RAB23: variants seen among roughly 807,000 people sequenced by gnomAD.
The protein encoded by RAB23 is ras-related protein Rab-23.
Under a neutral mutation model 30.0 loss-of-function variants are expected in RAB23, and 15 were observed. That is an observed-to-expected ratio of 0.50 (90% confidence interval 0.33 to 0.77). The LOEUF (loss-of-function observed/expected upper bound fraction) is 0.77. RAB23 is among the 30% of genes least tolerant of loss of function. The probability of loss-of-function intolerance (pLI) is 0.02; values close to 1 mark genes in which losing one functional copy is unlikely to be tolerated. For synonymous variants in RAB23, 93 were observed against 94.0 expected (o/e 0.99, Z 0.06); for missense variants, 243 against 275.4 (o/e 0.88, Z 0.83).
chr6:57,192,183 T>C (rs1764865550), intron 6 of RAB23, among the ~76,000 whole-genome samples: 2 of 152,172 alleles, frequency 1.3e-5, no homozygotes, highest in Admixed American at 1.3e-4. Flanking sequence ...AGATACGTTT[T>C]TCCTACTTAT....
At chr6:57,207,128 C>T (rs1765481436) in intron 3 of RAB23, among the ~76,000 whole-genome samples, 1 of 152,146 alleles carries the variant, frequency 6.6e-6, no homozygotes, top group African/African-American at 2.4e-5. Context: ...TTTAATTTAG[C>T]CTTTTAAGAA....
At chr6:57,217,226 A>T (rs76669030) in intron 1 of RAB23, among the ~76,000 whole-genome samples, 3 of 152,146 alleles carry the variant, frequency 2.0e-5, no homozygotes, top group Admixed American at 2.0e-4. Context: ...AAAAAAAAAA[A>T]AACAAAATTA....
intron 1 of RAB23, among the ~76,000 whole-genome samples, chr6:57,212,875 C>T (rs1765705043): frequency 6.6e-6 from 1 of 151,968 alleles, no homozygotes; most frequent in Non-Finnish European, 1.5e-5. Context: ...CAGAGCGAGG[C>T]CCTGTCTAAA....
intron 3 of RAB23, among the ~76,000 whole-genome samples, chr6:57,203,001 T>TC (rs1765323998): frequency 1.6e-5 from 1 of 62,278 alleles, no homozygotes; most frequent in Non-Finnish European, 3.7e-5. Flanking sequence ...AGATAGGCTG[T>TC]TTTTTTTTTT....
intron 3 of RAB23, among the ~76,000 whole-genome samples, chr6:57,197,515 C>T (rs1765069629): frequency 6.6e-6 from 1 of 152,166 alleles, no homozygotes; most frequent in African/African-American, 2.4e-5. Flanking sequence ...CTTACCATTA[C>T]TCCTTCCTTA....
intron 1 of RAB23, among the ~76,000 whole-genome samples, chr6:57,216,465 A>C (rs1765839613): frequency 6.6e-6 from 1 of 152,240 alleles, no homozygotes; most frequent in Non-Finnish European, 1.5e-5. Flanking sequence ...CCTCCTTTCA[A>C]GTACCCAGAT....
chr6:57,215,036 T>TA (rs1307525524), intron 1 of RAB23, among the ~76,000 whole-genome samples: 4 of 152,110 alleles, frequency 2.6e-5, no homozygotes, highest in Non-Finnish European at 5.9e-5. Flanking sequence ...AACCATAATT[T>TA]AAAAAACTAA....
At chr6:57,199,290 T>C (rs1002534956) in intron 3 of RAB23, among the ~76,000 whole-genome samples, 1 of 152,150 alleles carries the variant, frequency 6.6e-6, no homozygotes, top group Non-Finnish European at 1.5e-5. Context: ...CTCCCTTTGG[T>C]GGGCTCCTGA....
At chr6:57,198,126 A>C (rs2127999176) in intron 3 of RAB23, among the ~76,000 whole-genome samples, 1 of 152,310 alleles carries the variant, frequency 6.6e-6, no homozygotes, top group Non-Finnish European at 1.5e-5. Context: ...AAATACAGAA[A>C]GAGAGAGACA....
At chr6:57,213,356 A>T (rs1433680187) in intron 1 of RAB23, among the ~76,000 whole-genome samples, 2 of 152,108 alleles carry the variant, frequency 1.3e-5, no homozygotes, top group South Asian at 4.1e-4. Context: ...AAGTATCATC[A>T]TCCTATTACC....
intron 1 of RAB23, among the ~76,000 whole-genome samples, chr6:57,219,082 C>T (rs964979768): frequency 2.0e-5 from 3 of 152,222 alleles, no homozygotes; most frequent in South Asian, 2.1e-4. Flanking sequence ...TGTAGAAAAA[C>T]CCATGGAATC....
At position 57,187,993 on chromosome 6, in the gene RAB23, AG is replaced by A. The variant is rs1462617618; in HGVS notation, c.*2467del. ...TTAATTCATAGACAGAGACTGGAAAAGGAAAAGGAAACCTGAGGAACTCTGA... is the reference window on the plus strand; with the variant it reads ...TTAATTCATAGACAGAGACTGGAAAAGAAAAGGAAACCTGAGGAACTCTGA... On this transcript the variant is annotated 3_prime_UTR_variant, in exon 7 of 7. Coordinates refer to ENST00000468148, the MANE Select transcript of RAB23 (RefSeq NM_016277.5). 1 of 152,176 alleles carries A rather than the reference AG, an allele frequency of 6.6e-6. No individual in the cohort carries two copies. The allele number at this position is 152,176 out of a possible 1,614,324, so 9.4% of individuals were successfully genotyped here.
chr6:57,198,886 G>A (rs1765130145), intron 3 of RAB23, among the ~76,000 whole-genome samples: 1 of 151,968 alleles, frequency 6.6e-6, no homozygotes, highest in South Asian at 2.1e-4. Context: ...CCAGAGATAC[G>A]GGCAGTAAGA....
chr6:57,220,204 G>C (rs1766003482), intron 1 of RAB23, among the ~76,000 whole-genome samples: 1 of 152,196 alleles, frequency 6.6e-6, no homozygotes, highest in East Asian at 1.9e-4. Context: ...ACCACAAGGA[G>C]ATACCACTAC....
intron 6 of RAB23, among the ~76,000 whole-genome samples, chr6:57,192,095 C>T (rs995631171): frequency 2.6e-5 from 4 of 152,090 alleles, no homozygotes; most frequent in Non-Finnish European, 5.9e-5. Flanking sequence ...CCTCCTGCTT[C>T]AACCTCCCAA....
Position 57,222,023 on chromosome 6 carries a change from C to T in RAB23, c.-363G>A, listed in dbSNP as rs1378957283. Reference sequence around the variant, plus strand: ...CACCGCAGCGCGAGCCGCTACTCACCGTCCCCCACCGGCCGCGGACCCGCC... The same window carrying T: ...CACCGCAGCGCGAGCCGCTACTCACTGTCCCCCACCGGCCGCGGACCCGCC... On this transcript the variant is annotated 5_prime_UTR_variant, in exon 1 of 7. Coordinates refer to ENST00000468148, the MANE Select transcript of RAB23 (RefSeq NM_016277.5). The T allele has an allele frequency of 1.3e-5, 2 of 152,292 alleles. No individual in the cohort carries two copies. The highest frequency in any genetic ancestry group is 3.9e-4 in the East Asian group (2 of 5,172). 9.4% of individuals were successfully genotyped at this position (152,292 alleles called of 1,614,324 possible). A position where few individuals can be genotyped will look rare whatever the true frequency, so the allele number is the denominator to read the frequency against.
At chr6:57,210,472 TC>T (rs1765613760) in intron 1 of RAB23, 27 bp from the exon 2 acceptor site, 6 of 1,312,374 alleles carry the variant, frequency 4.6e-6, no homozygotes, top group Non-Finnish European at 6.6e-6. Flanking sequence ...AATTATTTTT[TC>T]ATAACACAAA....
intron 3 of RAB23, among the ~76,000 whole-genome samples, chr6:57,202,257 G>T (rs1765295634): frequency 6.6e-6 from 1 of 151,976 alleles, no homozygotes; most frequent in Non-Finnish European, 1.5e-5. Flanking sequence ...ATCTGTACTA[G>T]CAGCAGATAT....
intron 1 of RAB23, among the ~76,000 whole-genome samples, chr6:57,219,153 G>A (rs1442694888): frequency 1.3e-5 from 2 of 152,146 alleles, no homozygotes; most frequent in Non-Finnish European, 2.9e-5. Flanking sequence ...GAGGACATAT[G>A]TACAACACAC....
Sources: allele counts gnomAD v4.1 joint callset (sites outside exome capture counted in the v4.1 genomes callset), GRCh38; gene constraint gnomAD v4.1.1; transcripts MANE v1.5; gene names NCBI Gene and HGNC (gene_info 2026-07-23, HGNC 2026-07-21).